NAV3: variants seen among roughly 807,000 people sequenced by gnomAD.
The protein encoded by NAV3 is pore membrane and/or filament interacting like protein 1.
NAV3 carries 87 observed loss-of-function variants against 244.7 expected under a neutral mutation model. That is an observed-to-expected ratio of 0.36 (90% CI 0.30 to 0.42). The LOEUF (loss-of-function observed/expected upper bound fraction) is 0.42, where lower values mean the gene tolerates loss of function less well. Among genes scored for constraint, NAV3 ranks in the 20% least tolerant of loss-of-function variants. The probability of loss-of-function intolerance (pLI) is 1.00; values close to 1 mark genes in which losing one functional copy is unlikely to be tolerated. For synonymous variants in NAV3, 1,126 were observed against 1,042.2 expected, an observed-to-expected ratio of 1.08 and a Z score of -1.55; for missense variants, 2,663 against 2,893.3, an observed-to-expected ratio of 0.92 and a Z score of 1.83.
chr12:77,689,911 A>C (rs904204682), intron 2 of NAV3, among the ~76,000 whole-genome samples: 1 of 151,886 alleles, frequency 6.6e-6, no homozygotes, highest in African/African-American at 2.4e-5. Flanking sequence ...AGCATGTTAA[A>C]TATTTGTTAC....
chr12:77,593,969 C>T (rs1185248308), intron 2 of NAV3, among the ~76,000 whole-genome samples: 11 of 152,264 alleles, frequency 7.2e-5, no homozygotes, highest in Admixed American at 2.6e-4. Flanking sequence ...GCTTCTGTCA[C>T]ATGGTGTTTA....
chr12:78,006,010 G>A lies in NAV3; in HGVS notation c.881-409G>A, dbSNP rs114607109. Among the ~76,000 whole-genome samples, 285 of 152,208 alleles carry A rather than the reference G, an allele frequency of 1.9e-3. 2 individuals carry two copies. Among genetic ancestry groups the A allele is most frequent in the African/African-American group, 6.5e-3 (271 of 41,528 alleles). ...TGCAACCTCTGCTTCCCGAGTTCAA[G>A]CATTATACAACATATTTTTATAGGG... On this transcript the variant is annotated intron_variant, in intron 7 of 39. Coordinates refer to ENST00000397909, the MANE Select transcript of NAV3 (RefSeq NM_001024383.2).
At chr12:78,101,958 A>C (rs2138219800) in intron 12 of NAV3, among the ~76,000 whole-genome samples, 1 of 152,310 alleles carries the variant, frequency 6.6e-6, no homozygotes, top group Non-Finnish European at 1.5e-5. Flanking sequence ...GTATTATTTA[A>C]ATTACCATAA....
intron 2 of NAV3, among the ~76,000 whole-genome samples, chr12:77,575,371 T>A (rs1466470300): frequency 6.6e-6 from 1 of 152,078 alleles, no homozygotes; most frequent in African/African-American, 2.4e-5. Context: ...ATTTAATGGC[T>A]TTTTTTGAGT....
At chr12:77,695,263 T>C (rs1592591455) in intron 2 of NAV3, among the ~76,000 whole-genome samples, 1 of 152,286 alleles carries the variant, frequency 6.6e-6, no homozygotes, top group East Asian at 1.9e-4. Context: ...ATGTTTTCTG[T>C]AGTAGTTTCA....
intron 5 of NAV3, among the ~76,000 whole-genome samples, chr12:77,983,675 G>A (rs568310290): frequency 1.3e-5 from 2 of 152,220 alleles, no homozygotes; most frequent in East Asian, 3.9e-4. Flanking sequence ...GTAGGGGAAA[G>A]AAAGGAGAGC....
chr12:77,656,185 G>A (rs868179081), intron 2 of NAV3, among the ~76,000 whole-genome samples: 5 of 136,412 alleles, frequency 3.7e-5, no homozygotes, highest in East Asian at 2.0e-4. Flanking sequence ...GAGTCAAGAC[G>A]CATCAGTGTG....
chr12:77,864,567 T>G (rs1258863000), intron 1 of NAV3, among the ~76,000 whole-genome samples: 1 of 152,000 alleles, frequency 6.6e-6, no homozygotes, highest in Non-Finnish European at 1.5e-5. Context: ...ATTATGTAAA[T>G]TCTTGAGGCT....
chr12:78,020,841 C>T (rs1194708512), intron 8 of NAV3, among the ~76,000 whole-genome samples: 1 of 151,552 alleles, frequency 6.6e-6, no homozygotes, highest in African/African-American at 2.4e-5. Context: ...AGACCTACTA[C>T]CAGAAAAAAA....
chr12:77,934,502 G>T (rs1889136326), intron 1 of NAV3, among the ~76,000 whole-genome samples: 1 of 152,136 alleles, frequency 6.6e-6, no homozygotes, highest in East Asian at 1.9e-4. Context: ...TCAGTCCAGA[G>T]AGGTAACCTC....
chr12:77,951,261 A>G (rs1389905433), intron 3 of NAV3, among the ~76,000 whole-genome samples: 1 of 152,260 alleles, frequency 6.6e-6, no homozygotes, highest in African/African-American at 2.4e-5. Flanking sequence ...TGGGCGAAGG[A>G]TATGAACAGA....
Position 77,940,874 on chromosome 12 carries a change from A to AT in NAV3, c.362-196dup, listed in dbSNP as rs369996006. Reference sequence around the variant, plus strand: ...ATTAGCAGCAACTTCCTTCTCACTCATTTTTTTTTTTGCCTGATTTGTGCA... The same window carrying AT: ...ATTAGCAGCAACTTCCTTCTCACTCATTTTTTTTTTTTGCCTGATTTGTGCA... On this transcript the variant is annotated intron_variant, in intron 2 of 39. Transcript: ENST00000397909. Among the ~76,000 whole-genome samples the AT allele has an allele frequency of 2.3e-3, 329 of 144,648 alleles. 1 individual carries two copies. The highest frequency in any genetic ancestry group is 5.2e-3 in the African/African-American group (208 of 39,640). The allele number at this position is 144,648 out of a possible 152,430, so 94.9% of individuals were successfully genotyped here.
At chr12:77,645,524 GCT>G (rs71813545) in intron 2 of NAV3, among the ~76,000 whole-genome samples, 12,805 of 114,550 alleles carry the variant, frequency 0.11, 1,207 homozygotes, top group African/African-American at 0.25. Flanking sequence ...TTCATGGAGA[GCT>G]CTCTCTCTCT....
chr12:77,956,721 C>T (rs1446472027), intron 3 of NAV3, among the ~76,000 whole-genome samples: 1 of 105,654 alleles, frequency 9.5e-6, no homozygotes, highest in African/African-American at 3.5e-5. Flanking sequence ...TATATAAAAT[C>T]CAACTTATTT....
Position 78,135,090 on chromosome 12 carries a change from C to A in NAV3, c.4442-2087C>A, listed in dbSNP as rs116959502. ...TGCCCAAAGCAGATGGAAAGCAAAACTACCACTAGAAGCTCTTTACCAATT... is the reference window on the plus strand; with the variant it reads ...TGCCCAAAGCAGATGGAAAGCAAAAATACCACTAGAAGCTCTTTACCAATT... On this transcript the variant is annotated intron_variant, in intron 18 of 39. Coordinates refer to ENST00000397909, the MANE Select transcript of NAV3 (RefSeq NM_001024383.2). Among the ~76,000 whole-genome samples the A allele has an allele frequency of 8.0e-3, 1,220 of 152,290 alleles. 11 individuals are homozygous for A. The highest frequency in any genetic ancestry group is 0.025 in the South Asian group (123 of 4,828).
chr12:77,839,516 G>T (rs571042463), intron 1 of NAV3, among the ~76,000 whole-genome samples: 17 of 152,226 alleles, frequency 1.1e-4, no homozygotes, highest in African/African-American at 4.1e-4. Flanking sequence ...TTAAGTCTCA[G>T]TTTCTTCATC....
intron 12 of NAV3, among the ~76,000 whole-genome samples, chr12:78,064,464 T>TGCCG (rs1280179913): frequency 1.3e-5 from 2 of 151,872 alleles, no homozygotes; most frequent in African/African-American, 4.8e-5. Flanking sequence ...CCTGCCTGCC[T>TGCCG]GTCTGTCTAT....
chr12:78,076,555 C>T (rs1423476176), intron 12 of NAV3, among the ~76,000 whole-genome samples: 3 of 151,980 alleles, frequency 2.0e-5, no homozygotes, highest in African/African-American at 2.4e-5. Context: ...CATATTATTT[C>T]GAAAGTATTT....
intron 5 of NAV3, among the ~76,000 whole-genome samples, chr12:77,980,701 T>C (rs551440512): frequency 2.6e-5 from 4 of 152,300 alleles, no homozygotes; most frequent in South Asian, 2.1e-4. Flanking sequence ...AAACTAAAAA[T>C]TGAAAATGGG....
Sources: allele counts gnomAD v4.1 joint callset (sites outside exome capture counted in the v4.1 genomes callset), GRCh38; gene constraint gnomAD v4.1.1; transcripts MANE v1.5; gene names NCBI Gene and HGNC (gene_info 2026-07-23, HGNC 2026-07-21).